The following REPS2 variants were observed in gnomAD, a reference collection of about 807,000 sequenced individuals.
REPS2 encodes RALBP1 associated Eps domain containing 2, also known as ralBP1-associated Eps domain-containing protein 2.
REPS2 carries 23 observed loss-of-function variants against 53.6 expected under a neutral mutation model. The observed-to-expected ratio is 0.43, with a 90% CI of 0.31 to 0.61. The LOEUF (loss-of-function observed/expected upper bound fraction) is 0.61, where lower values mean the gene tolerates loss of function less well. REPS2 is among the 20% of genes least tolerant of loss of function. REPS2 has a pLI of 0.11. For missense variants in REPS2, 446 were observed against 534.9 expected (o/e 0.83, Z 1.64); for synonymous variants, 238 against 218.6 (o/e 1.09, Z -0.78).
chrX:17,157,638 C>T (rs969594537), downstream of REPS2, among the ~76,000 whole-genome samples: 17 of 111,275 alleles, frequency 1.5e-4, no homozygotes, highest in African/African-American at 5.2e-4. Flanking sequence ...AGGACAATCC[C>T]CCACAACAAA....
chrX:17,132,726 C>T (rs184314346), intron 14 of REPS2, among the ~76,000 whole-genome samples: 87 of 111,113 alleles, frequency 7.8e-4, no homozygotes, highest in Middle Eastern at 9.3e-3. Context: ...TTAGTAGAGA[C>T]GGGGTTTCGC....
At chrX:16,989,945 G>T (rs1214784082) in intron 1 of REPS2, among the ~76,000 whole-genome samples, 1 of 112,269 alleles carries the variant, frequency 8.9e-6, no homozygotes, top group African/African-American at 3.2e-5. Flanking sequence ...ATTTATCCCA[G>T]AGAAGTGAAG....
chrX:17,011,057 CTGTGTGTGTG>C (rs60541913), intron 2 of REPS2, among the ~76,000 whole-genome samples: 26 of 102,548 alleles, frequency 2.5e-4, no homozygotes, highest in African/African-American at 8.7e-4. Flanking sequence ...TTTGCTTAAA[CTGTGTGTGTG>C]TGTGTGTGTG....
intron 14 of REPS2, among the ~76,000 whole-genome samples, chrX:17,113,910 A>G (rs2063011299): frequency 8.9e-6 from 1 of 112,549 alleles, no homozygotes; most frequent in Admixed American, 9.4e-5. Flanking sequence ...TTTTAGTATT[A>G]TAAAAATAAG....
At chrX:17,155,311 A>G (rs1199404967), downstream of REPS2, among the ~76,000 whole-genome samples, 5 of 110,882 alleles carry the variant, frequency 4.5e-5, no homozygotes, top group African/African-American at 1.6e-4. Context: ...TTATAAAGCC[A>G]CGAGTCCCAA....
intron 1 of REPS2, among the ~76,000 whole-genome samples, chrX:17,002,416 C>G (rs867006380): frequency 8.9e-6 from 1 of 111,806 alleles, no homozygotes; most frequent in African/African-American, 3.3e-5. Flanking sequence ...TGTCTGCCCT[C>G]TCTTTAGCAG....
In REPS2 at chrX:17,147,490, T is replaced by A. The variant is rs757817486; in HGVS notation, c.*9T>A. The A allele has an allele frequency of 6.0e-6, 7 of 1,170,930 alleles. No homozygotes were observed. The highest frequency in any genetic ancestry group is 8.1e-6 in the Non-Finnish European group (7 of 866,774). ...CGGTCACTGTGTTGTGACCCCCCCA[T>A]GGTTCAAGTGACAGTGGGTGACCTT... On this transcript the variant is annotated 3_prime_UTR_variant, in exon 18 of 18. Transcript: ENST00000357277.
intron 14 of REPS2, among the ~76,000 whole-genome samples, chrX:17,121,852 G>T (rs1442514418): frequency 9.0e-6 from 1 of 111,388 alleles, no homozygotes; most frequent in Non-Finnish European, 1.9e-5. Context: ...CCGGGTTCAA[G>T]TAATTTTCCT....
the REPS2 span, among the ~76,000 whole-genome samples, chrX:17,180,202 A>T: frequency 3.6e-3 from 406 of 111,583 alleles, 1 homozygote; most frequent in African/African-American, 0.013. Context: ...AAATTTATAC[A>T]TCTTTGGATT....
chrX:17,119,587 C>T (rs752909535), intron 14 of REPS2, among the ~76,000 whole-genome samples: 135 of 111,930 alleles, frequency 1.2e-3, no homozygotes, highest in Non-Finnish European at 2.3e-3. Flanking sequence ...CCTGTAGTTC[C>T]TTTATCCTGC....
chrX:17,096,664 AAAAAAAAAAAAAAAAAAAG>A (rs1298760695), intron 13 of REPS2, among the ~76,000 whole-genome samples: 3 of 87,297 alleles, frequency 3.4e-5, no homozygotes, highest in Non-Finnish European at 6.4e-5. Flanking sequence ...CGTCTCAAAA[AAAAAAAAAAAAAAAAAAAG>A]AAAAGAAAAG....
intron 13 of REPS2, among the ~76,000 whole-genome samples, chrX:17,088,806 A>G (rs773262704): frequency 2.7e-5 from 3 of 110,005 alleles, no homozygotes; most frequent in Non-Finnish European, 5.7e-5. Flanking sequence ...GATGGTCTCA[A>G]TCTCCTGACC....
At chrX:17,027,382 AGT>A (rs1444154576) in intron 4 of REPS2, among the ~76,000 whole-genome samples, 1 of 112,378 alleles carries the variant, frequency 8.9e-6, no homozygotes, top group Non-Finnish European at 1.9e-5. Flanking sequence ...TTGTATCAGT[AGT>A]TCATTCCTTT....
Position 17,068,325 on chromosome X carries a change from A to T in REPS2, c.1210-77A>T, listed in dbSNP as rs200055330. 298 of 833,866 alleles carry T rather than the reference A, an allele frequency of 3.6e-4. 1 individual carries two copies. The highest frequency in any genetic ancestry group is 1.8e-3 in the African/African-American group (84 of 47,832). 68.7% of individuals were successfully genotyped at this position (833,866 alleles called of 1,213,427 possible). A position where few individuals can be genotyped will look rare whatever the true frequency, so the allele number is the denominator to read the frequency against. On this transcript the variant is annotated intron_variant, in intron 9 of 17. Transcript: ENST00000357277. ...CGAGACTCTGTCTCAAAAAAAAAAA[A>T]TTTTTTTTCATCATATGTGCGCATC...
At chrX:16,991,728 A>AAAATAAAT (rs751173690) in intron 1 of REPS2, among the ~76,000 whole-genome samples, 25 of 110,495 alleles carry the variant, frequency 2.3e-4, no homozygotes, top group African/African-American at 7.9e-4. Flanking sequence ...AGTAGAATAA[A>AAAATAAAT]AAATAAATAA....
At chrX:17,031,869 G>C (rs1332437669) in intron 5 of REPS2, among the ~76,000 whole-genome samples, 1 of 112,445 alleles carries the variant, frequency 8.9e-6, no homozygotes, top group African/African-American at 3.2e-5. Context: ...AGTGCCCACA[G>C]CTATCTTATG....
intron 1 of REPS2, among the ~76,000 whole-genome samples, chrX:16,966,417 T>A (rs747943510): frequency 2.1e-4 from 24 of 112,254 alleles, no homozygotes; most frequent in Non-Finnish European, 4.1e-4. Flanking sequence ...TTTCAGACTT[T>A]GGAATATTTG....
intron 5 of REPS2, among the ~76,000 whole-genome samples, chrX:17,038,943 C>G (rs1038677306): frequency 4.5e-5 from 5 of 112,190 alleles, no homozygotes; most frequent in African/African-American, 1.6e-4. Context: ...CTGTCTGCCT[C>G]TGGAACCTGT....
chrX:16,958,170 T>C (rs2060619238), intron 1 of REPS2, among the ~76,000 whole-genome samples: 1 of 111,672 alleles, frequency 9.0e-6, no homozygotes, highest in Non-Finnish European at 1.9e-5. Context: ...TAAAAAAGAA[T>C]GTAAAAACGG....
Sources: allele counts gnomAD v4.1 joint callset (sites outside exome capture counted in the v4.1 genomes callset), GRCh38; gene constraint gnomAD v4.1.1; transcripts MANE v1.5; gene names NCBI Gene and HGNC (gene_info 2026-07-23, HGNC 2026-07-21).